B3GALT1: variants seen among roughly 807,000 people sequenced by gnomAD.
B3GALT1 encodes beta-1,3-galactosyltransferase 1.
In B3GALT1, 10 loss-of-function variants were observed where a neutral mutation model predicts 23.2. The observed-to-expected ratio is 0.43, with a 90% CI of 0.27 to 0.73. The LOEUF is 0.73. Ranked by LOEUF, B3GALT1 falls within the 30% of genes least tolerant of loss-of-function variation. The probability of loss-of-function intolerance (pLI) is 0.21; values close to 1 mark genes in which losing one functional copy is unlikely to be tolerated. For missense variants in B3GALT1, 299 were observed against 405.4 expected (o/e 0.74, Z 2.25); for synonymous variants, 156 against 141.5 (o/e 1.10, Z -0.73).
At chr2:167,563,280 CT>C (rs1574139639) in intron 2 of B3GALT1, among the ~76,000 whole-genome samples, 39 of 140,412 alleles carry the variant, frequency 2.8e-4, no homozygotes, top group African/African-American at 6.0e-4. Flanking sequence ...GGCAGAGGGG[CT>C]CCTCACTTCC....
At chr2:167,575,008 A>G (rs927770397) in intron 2 of B3GALT1, among the ~76,000 whole-genome samples, 1 of 151,734 alleles carries the variant, frequency 6.6e-6, no homozygotes, top group African/African-American at 2.4e-5. Flanking sequence ...CTAGAATTAG[A>G]TGGTCTATAC....
At chr2:167,860,691 G>T (rs1370665698) in intron 4 of B3GALT1, among the ~76,000 whole-genome samples, 1 of 152,134 alleles carries the variant, frequency 6.6e-6, no homozygotes, top group East Asian at 1.9e-4. Context: ...CCAAAACCAA[G>T]CCAGTACATC....
At chr2:167,321,556 A>G (rs1696810449) in intron 1 of B3GALT1, among the ~76,000 whole-genome samples, 1 of 152,050 alleles carries the variant, frequency 6.6e-6, no homozygotes, top group Non-Finnish European at 1.5e-5. Flanking sequence ...TCCAAGCACC[A>G]CATCTAATGA....
At chr2:167,821,496 G>A (rs1689106410) in intron 4 of B3GALT1, among the ~76,000 whole-genome samples, 2 of 147,732 alleles carry the variant, frequency 1.4e-5, no homozygotes, top group African/African-American at 2.5e-5. Flanking sequence ...GTACAATGGC[G>A]TGATCTCTGC....
At chr2:167,841,874 T>A (rs541968088) in intron 4 of B3GALT1, among the ~76,000 whole-genome samples, 6 of 152,370 alleles carry the variant, frequency 3.9e-5, no homozygotes, top group African/African-American at 1.4e-4. Context: ...AAGACTATAT[T>A]TAAGTAACTT....
Position 167,870,775 on chromosome 2 carries a change from A to C in B3GALT1, c.*755A>C, listed in dbSNP as rs939687941. 1 of 166,800 alleles carries C rather than the reference A, an allele frequency of 6.0e-6. No individual in the cohort carries two copies. The highest frequency in any genetic ancestry group is 1.5e-5 in the Non-Finnish European group (1 of 68,086). The allele number at this position is 166,800 out of a possible 1,614,324, so 10.3% of individuals were successfully genotyped here. On this transcript the variant is annotated 3_prime_UTR_variant, in exon 5 of 5. Coordinates refer to ENST00000392690, the MANE Select transcript of B3GALT1 (RefSeq NM_020981.4). ...CAAACATTAAATGGTGCCTCCAAGG[A>C]AACTTTGCCAAATATAATCTCACCT...
At chr2:167,830,325 G>A (rs571035131) in intron 4 of B3GALT1, among the ~76,000 whole-genome samples, 1 of 151,858 alleles carries the variant, frequency 6.6e-6, no homozygotes, top group South Asian at 2.1e-4. Flanking sequence ...TCATTTGGAT[G>A]AGGAAAGACA....
intron 3 of B3GALT1, among the ~76,000 whole-genome samples, chr2:167,665,607 T>G (rs1167835930): frequency 2.7e-4 from 41 of 151,922 alleles, no homozygotes; most frequent in African/African-American, 9.4e-4. Context: ...CTCTTTTTGG[T>G]TGGTAAGCTA....
intron 1 of B3GALT1, among the ~76,000 whole-genome samples, chr2:167,433,810 C>G (rs891078597): frequency 2.0e-5 from 3 of 152,122 alleles, no homozygotes; most frequent in African/African-American, 7.2e-5. Context: ...CCTGTAATTA[C>G]AGCACTTGGG....
chr2:167,703,973 A>G (rs1376278431), intron 3 of B3GALT1, among the ~76,000 whole-genome samples: 1 of 152,054 alleles, frequency 6.6e-6, no homozygotes, highest in East Asian at 1.9e-4. Flanking sequence ...CGAGGTCAGG[A>G]GATCAAGACC....
At chr2:167,351,136 G>T (rs1410375441) in intron 1 of B3GALT1, among the ~76,000 whole-genome samples, 2 of 152,018 alleles carry the variant, frequency 1.3e-5, no homozygotes, top group Non-Finnish European at 2.9e-5. Flanking sequence ...GGGCATGGTG[G>T]CGGGTGCCTG....
chr2:167,606,959 G>T (rs961376500), intron 2 of B3GALT1, among the ~76,000 whole-genome samples: 1 of 152,112 alleles, frequency 6.6e-6, no homozygotes, highest in Non-Finnish European at 1.5e-5. Flanking sequence ...TAGGGGGACG[G>T]ATTCTACATG....
At chr2:167,794,590 A>G (rs1688510723) in intron 3 of B3GALT1, among the ~76,000 whole-genome samples, 1 of 152,186 alleles carries the variant, frequency 6.6e-6, no homozygotes, top group Admixed American at 6.5e-5. Flanking sequence ...TTTGCTGCAT[A>G]CCCGTTATTT....
In B3GALT1 at chr2:167,357,280, T is replaced by C. The variant is rs1216083447; in HGVS notation, c.-511+63946T>C. Among the ~76,000 whole-genome samples the C allele has an allele frequency of 2.6e-5, 4 of 152,104 alleles. No individual in the cohort carries two copies. The East Asian group carries it at 7.7e-4, about 29-fold the overall frequency. On this transcript the variant is annotated intron_variant, in intron 1 of 4. Transcript: ENST00000392690. Reference sequence around the variant, plus strand: ...TCTTATAGTAAAAATGTTTTCGAAGTAGAATTGGTTCAGAATGTGTAATTA... The same window carrying C: ...TCTTATAGTAAAAATGTTTTCGAAGCAGAATTGGTTCAGAATGTGTAATTA...
At chr2:167,663,731 A>C (rs1021473039) in intron 3 of B3GALT1, among the ~76,000 whole-genome samples, 8 of 151,628 alleles carry the variant, frequency 5.3e-5, no homozygotes, top group Non-Finnish European at 7.4e-5. Context: ...GCATTTTTTC[A>C]TGTGTTTTTT....
At chr2:167,666,658 G>A (rs1686196216) in intron 3 of B3GALT1, among the ~76,000 whole-genome samples, 1 of 152,034 alleles carries the variant, frequency 6.6e-6, no homozygotes, top group African/African-American at 2.4e-5. Flanking sequence ...TATATATTTG[G>A]GATAGTTAGC....
At chr2:167,540,800 A>C (rs1394508633) in intron 2 of B3GALT1, among the ~76,000 whole-genome samples, 1 of 152,140 alleles carries the variant, frequency 6.6e-6, no homozygotes, top group African/African-American at 2.4e-5. Context: ...TTTCACCATC[A>C]AATCTTGAAA....
intron 1 of B3GALT1, among the ~76,000 whole-genome samples, chr2:167,329,133 A>G (rs1696936247): frequency 1.3e-5 from 2 of 152,158 alleles, no homozygotes; most frequent in South Asian, 4.1e-4. Flanking sequence ...TACTTTTTAA[A>G]TGTAGGTGTT....
At chr2:167,491,069 G>A (rs1440735373) in intron 2 of B3GALT1, among the ~76,000 whole-genome samples, 1 of 152,068 alleles carries the variant, frequency 6.6e-6, no homozygotes, top group Non-Finnish European at 1.5e-5. Context: ...ACAAAATTTT[G>A]CCCCCAGGGT....
Sources: allele counts gnomAD v4.1 joint callset (sites outside exome capture counted in the v4.1 genomes callset), GRCh38; gene constraint gnomAD v4.1.1; transcripts MANE v1.5; gene names NCBI Gene and HGNC (gene_info 2026-07-23, HGNC 2026-07-21).